HAGHL: variants seen among roughly 807,000 people sequenced by gnomAD.
The protein encoded by HAGHL is hydroxyacylglutathione hydrolase like.
HAGHL carries 27 observed loss-of-function variants against 29.2 expected under a neutral mutation model. The ratio of observed to expected loss-of-function variants is 0.92; its 90% CI spans 0.68 to 1.27. The LOEUF (loss-of-function observed/expected upper bound fraction) is 1.27. HAGHL is among the 50% of genes most tolerant of loss of function. The pLI is 0.00. For missense variants in HAGHL, 529 were observed against 405.5 expected (o/e 1.30, Z -2.62); for synonymous variants, 223 against 185.7 (o/e 1.20, Z -1.63).
At position 728,406 on chromosome 16, in the gene HAGHL, C is replaced by A; in HGVS notation, c.379C>A (p.Pro127Thr). ...CCTGTGGGAGGACGATTGCCCGGAC[C>A]CACCCGCCCTGTTCTCGGGTACCCG... The part of the protein sequence containing the change: ...YFLWEDDCPD[P>T]PALFSGDALS... Residue 127 changes from proline (P) to threonine (T), a missense_variant, in exon 4 of 8, where the codon CCA becomes ACA. By Grantham distance (38) the Pro-to-Thr change is conservative. Transcript: ENST00000389703. 1 of 1,563,670 alleles carries A rather than the reference C, an allele frequency of 6.4e-7. No individual in the cohort carries two copies. The highest frequency in any genetic ancestry group is 2.3e-5 in the East Asian group (1 of 42,800).
rs1313641707 is a variant in HAGHL at position 728,804 on chromosome 16, G to A, written c.509G>A (p.Cys170Tyr). 3.7e-6 allele frequency: 6 copies of A among 1,612,006 alleles called. No individual in the cohort carries two copies. Among genetic ancestry groups the A allele is most frequent in the Non-Finnish European group, 8.5e-7 (1 of 1,179,752 alleles). The change falls in exon 6 of 8, where the codon TGC becomes TAC. Residue 170 changes from cysteine to tyrosine, a missense_variant. By Grantham distance (194) the Cys-to-Tyr change is radical (BLOSUM62 -2). Transcript: ENST00000389703. ...GCGCTCTTCCTCCAGAAGGTGTTCT[G>A]CGGCCACGAGCACACGCTTAGCAAC... Reference protein sequence around the residue: ...GTLPPETKVFCGHEHTLSNLE... With the variant: ...GTLPPETKVFYGHEHTLSNLE...
chr16:729,106 C>T lies in HAGHL; in HGVS notation c.680+18C>T. ...CGGGTGGCGTGAGTATGGCTGTTGT[C>T]CCGGGGCCTCCACCGTTACGTGGAC... On this transcript the variant is annotated intron_variant, in intron 7 of 7. Coordinates refer to ENST00000389703, the MANE Select transcript of HAGHL (RefSeq NM_032304.4). 6.2e-7 allele frequency: 1 copy of T among 1,606,204 alleles called. No homozygotes were observed. Among genetic ancestry groups the T allele is most frequent in the Non-Finnish European group, 8.5e-7 (1 of 1,179,380 alleles).
intron 1 of HAGHL, 142 bp downstream of exon 1, chr16:727,756 C>A: frequency 1.4e-6 from 1 of 727,892 alleles, no homozygotes; most frequent in South Asian, 1.8e-5. Flanking sequence ...TTGGGGCTCC[C>A]TGAAGTTACG....
chr16:727,501 T>C lies in HAGHL; in HGVS notation c.-9T>C. ...TTGGAGCAGGCACCGGTGGCCGAGC[T>C]CCGTGACCATGAAGGTCAAGGTCAT... On this transcript the variant is annotated 5_prime_UTR_variant, in exon 1 of 8. Coordinates refer to ENST00000389703, the MANE Select transcript of HAGHL (RefSeq NM_032304.4). The C allele has an allele frequency of 1.9e-6, 3 of 1,580,858 alleles. No homozygotes were observed. The highest frequency in any genetic ancestry group is 2.6e-6 in the Non-Finnish European group (3 of 1,155,262).
rs2041146428 is a variant in HAGHL, at chr16:728,253, A to AGC, written c.288+21_288+22insCG. The AGC allele has an allele frequency of 2.7e-6, 4 of 1,499,298 alleles. No homozygotes were observed. Among genetic ancestry groups the AGC allele is most frequent in the Non-Finnish European group, 3.5e-6 (4 of 1,130,436 alleles). 92.9% of individuals were successfully genotyped at this position (1,499,298 alleles called of 1,614,324 possible). A position where few individuals can be genotyped will look rare whatever the true frequency, so the allele number is the denominator to read the frequency against. On this transcript the variant is annotated intron_variant, in intron 3 of 7. Coordinates refer to ENST00000389703, the MANE Select transcript of HAGHL (RefSeq NM_032304.4). The stretch of plus-strand genomic sequence containing the variant: ...CTGCGGGTGAGCGCGCGCTCCCGGG[A>AGC]GGGGCGGGGAGGGCGCCCCGGGTCC...
At chr16:728,671 T>C in intron 5 of HAGHL, 67 bp downstream of exon 5, 1 of 1,257,390 alleles carries the variant, frequency 8.0e-7, no homozygotes, top group Non-Finnish European at 1.1e-6. Flanking sequence ...ACCCTCACTG[T>C]GCTAGGGGTG....
chr16:729,368 T>C lies in HAGHL; in HGVS notation c.761T>C (p.Phe254Ser). Residue 254 changes from phenylalanine (F) to serine (S), a missense_variant, in exon 8 of 8, where the codon TTC becomes TCC. Coordinates refer to ENST00000389703, the MANE Select transcript of HAGHL (RefSeq NM_032304.4). The stretch of plus-strand genomic sequence containing the variant: ...GCGCTATGCAAGGAGCGGGCGCGCT[T>C]CGAACAGGCGGGCGAGCCGCGGCAG... ...LEALCKERAR[F>S]EQAGEPRQPQ... 6.5e-7 allele frequency: 1 copy of C among 1,530,742 alleles called. No homozygotes were observed. Among genetic ancestry groups the C allele is most frequent in the South Asian group, 1.2e-5 (1 of 82,420 alleles). 94.8% of individuals were successfully genotyped at this position (1,530,742 alleles called of 1,614,324 possible).
intron 1 of HAGHL, 31 bp from the exon 2 acceptor site, chr16:727,934 T>C: frequency 6.3e-7 from 1 of 1,595,684 alleles, no homozygotes; most frequent in Non-Finnish European, 8.5e-7. Flanking sequence ...ACCGGGACCG[T>C]CTGTGTTACC....
rs2041037501 is a variant in HAGHL, at chr16:727,335, G to C, written c.-175G>C. 2 of 519,460 alleles carry C rather than the reference G, an allele frequency of 3.9e-6. No individual in the cohort carries two copies. The highest frequency in any genetic ancestry group is 7.0e-6 in the Non-Finnish European group (2 of 286,754). 32.2% of individuals were successfully genotyped at this position (519,460 alleles called of 1,614,324 possible). ...TGGAGCCCGGTGCGTGGAATTCCAC[G>C]CGAGTGCCGGGGAGTTCCTGGGGAG... On this transcript the variant is annotated 5_prime_UTR_variant, in exon 1 of 8. Transcript: ENST00000389703.
rs1028947409 is a variant in HAGHL at position 728,912 on chromosome 16, G to A, written c.600+17G>A. 3 of 934,620 alleles carry A rather than the reference G, an allele frequency of 3.2e-6. No individual in the cohort carries two copies. Among genetic ancestry groups the A allele is most frequent in the East Asian group, 5.6e-5 (1 of 17,930 alleles). The allele number at this position is 934,620 out of a possible 1,614,324, so 57.9% of individuals were successfully genotyped here. A position where few individuals can be genotyped will look rare whatever the true frequency, so the allele number is the denominator to read the frequency against. Reference sequence around the variant, plus strand: ...TGGGCTAAGGCACGGCCCCTTTCCCGCCGCGGCAAGAGGGTGGGGGGGGAG... The same window carrying A: ...TGGGCTAAGGCACGGCCCCTTTCCCACCGCGGCAAGAGGGTGGGGGGGGAG... On this transcript the variant is annotated intron_variant, in intron 6 of 7. Coordinates refer to ENST00000389703, the MANE Select transcript of HAGHL (RefSeq NM_032304.4).
chr16:728,502 A>G lies in HAGHL; in HGVS notation c.398-2A>G, dbSNP rs1276817246. On this transcript the variant is annotated splice_acceptor_variant, in intron 4 of 7. Coordinates refer to ENST00000389703, the MANE Select transcript of HAGHL (RefSeq NM_032304.4). LOFTEE classifies it high-confidence loss of function. ...CTGCTCTGACCCGCCCTCCCCCGCC[A>G]GGCGACGCGCTGTCGGTGGCCGGCT... 1.3e-5 allele frequency: 18 copies of G among 1,348,462 alleles called. No homozygotes were observed. The South Asian group carries it at 2.1e-4, about 16-fold the overall frequency. 83.5% of individuals were successfully genotyped at this position (1,348,462 alleles called of 1,614,324 possible). A position where few individuals can be genotyped will look rare whatever the true frequency, so the allele number is the denominator to read the frequency against.
At position 729,285 on chromosome 16, in the gene HAGHL, CAG is replaced by C. The variant is rs773578357; in HGVS notation, c.683_684del. The C allele has an allele frequency of 3.9e-6, 6 of 1,520,984 alleles. No individual in the cohort carries two copies. Among genetic ancestry groups the C allele is most frequent in the South Asian group, 1.3e-5 (1 of 78,914 alleles). The allele number at this position is 1,520,984 out of a possible 1,614,324, so 94.2% of individuals were successfully genotyped here. ...CTGCGCCTCACTGCACCCCTCCCTG[CAG>C]AGAGGAGCCGGTGCGCAAGTTCACG... On this transcript the variant is annotated splice_acceptor_variant, in intron 7 of 7. Coordinates refer to ENST00000389703, the MANE Select transcript of HAGHL (RefSeq NM_032304.4). LOFTEE classifies it high-confidence loss of function.
At position 728,619 on chromosome 16, in the gene HAGHL, GCCCTC is replaced by G; in HGVS notation, c.498+21_498+25del. The stretch of plus-strand genomic sequence containing the variant: ...CCCCCGAGACGGTGAGCGGGCCTGG[GCCCTC>G]CCCTCTTCTCCCGTGGGCACAGCCC... On this transcript the variant is annotated intron_variant, in intron 5 of 7. Transcript: ENST00000389703. The G allele has an allele frequency of 7.0e-7, 1 of 1,436,746 alleles. No homozygotes were observed. Among genetic ancestry groups the G allele is most frequent in the Non-Finnish European group, 9.3e-7 (1 of 1,073,356 alleles). The allele number at this position is 1,436,746 out of a possible 1,614,324, so 89.0% of individuals were successfully genotyped here.
chr16:728,323 C>A lies in HAGHL; in HGVS notation c.296C>A (p.Ala99Asp). ...CCTGCTCCTCCGCCGCAGTTCGGGG[C>A]CATCCACGTGCGTTGCCTCCTGACG... is the stretch of plus-strand genomic sequence containing the variant. ...LAHGEELRFG[A>D]IHVRCLLTPG... is the part of the protein sequence containing the mutation. The change falls in exon 4 of 8, where the codon GCC (alanine) becomes GAC (aspartate). Residue 99 changes from alanine (A) to aspartate (D), a missense_variant. Coordinates refer to ENST00000389703, the MANE Select transcript of HAGHL (RefSeq NM_032304.4). The A allele has an allele frequency of 1.3e-6, 2 of 1,554,944 alleles. No individual in the cohort carries two copies. The highest frequency in any genetic ancestry group is 1.9e-5 in the Admixed American group (1 of 53,684).
At chr16:728,452 C>T in intron 4 of HAGHL, 28 bp downstream of exon 4, 1 of 1,504,020 alleles carries the variant, frequency 6.6e-7, no homozygotes, top group African/African-American at 1.4e-5. Flanking sequence ...CGCGCCCACC[C>T]CGCCTCCCGC....
rs748523464 is a variant in HAGHL at position 728,117 on chromosome 16, G to A, written c.172G>A (p.Asp58Asn). 60 of 1,476,772 alleles carry A rather than the reference G, an allele frequency of 4.1e-5. No individual in the cohort carries two copies. The highest frequency in any genetic ancestry group is 2.2e-4 in the South Asian group (16 of 73,974). 91.5% of individuals were successfully genotyped at this position (1,476,772 alleles called of 1,614,324 possible). ...CGGCCCCCGCCCGCCCGCCCGCAGG[G>A]ACCACGCGCGGGGAAACCCGGAGCT... ...TAVLTTHHHW[D>N]HARGNPELAR... Residue 58 changes from aspartate (D) to asparagine (N), a missense_variant and splice_region_variant, in exon 3 of 8, where the codon GAC (aspartate) becomes AAC (asparagine). Transcript: ENST00000389703.
intron 1 of HAGHL, 130 bp from the exon 2 acceptor site, chr16:727,835 C>G: frequency 2.9e-6 from 3 of 1,030,056 alleles, no homozygotes; most frequent in Non-Finnish European, 4.3e-6. Flanking sequence ...AGTCACCGCC[C>G]GCTGGGTCCC....
intron 7 of HAGHL, 73 bp from the exon 8 acceptor site, chr16:729,215 G>C: frequency 6.4e-7 from 1 of 1,550,738 alleles, no homozygotes; most frequent in African/African-American, 1.4e-5. Context: ...GTGCCTGCCT[G>C]CCCGCCCACC....
At chr16:728,712 G>A in intron 5 of HAGHL, 82 bp from the exon 6 acceptor site, 3 of 1,395,032 alleles carry the variant, frequency 2.2e-6, no homozygotes, top group Non-Finnish European at 3.0e-6. Context: ...GGGCAGACCG[G>A]GCAGGGGAGG....
Sources: gnomAD v4.1 joint callset for allele counts on GRCh38, gnomAD v4.1.1 for gene constraint, MANE v1.5 for transcripts, NCBI Gene and HGNC (gene_info 2026-07-23, HGNC 2026-07-21) for gene names.